Variants in ZNF502 observed in about 807,000 individuals in gnomAD.
ZNF502 encodes the protein zinc finger protein 502.
In ZNF502, 29 loss-of-function variants were observed where a neutral mutation model predicts 43.6. The observed-to-expected ratio is 0.67, with a 90% CI of 0.50 to 0.91. The LOEUF is 0.91. ZNF502 is among the 40% of genes least tolerant of loss of function. The probability of loss-of-function intolerance (pLI) is 0.00; values close to 1 mark genes in which losing one functional copy is unlikely to be tolerated. For missense variants in ZNF502, 591 were observed against 647.2 expected (o/e 0.91, Z 0.94); for synonymous variants, 171 against 207.4 (o/e 0.82, Z 1.51).
At chr3:44,717,803 C>G (rs1171529109) in intron 1 of ZNF502, among the ~76,000 whole-genome samples, 18 of 152,086 alleles carry the variant, frequency 1.2e-4, no homozygotes, top group Non-Finnish European at 2.5e-4. Flanking sequence ...GTACACACCA[C>G]TACACCCAAC....
intron 1 of ZNF502, among the ~76,000 whole-genome samples, chr3:44,716,242 C>T (rs1022557944): frequency 3.4e-5 from 5 of 149,222 alleles, no homozygotes; most frequent in African/African-American, 1.2e-4. Flanking sequence ...AGCTGGAGTG[C>T]AGTGGCGTGA....
In ZNF502 at chr3:44,722,221, T is replaced by C. The variant is rs773553001; in HGVS notation, c.1404T>C (p.Cys468=). The change falls in exon 3 of 3, where the codon TGT becomes TGC. Residue 468 remains cysteine, a synonymous_variant. Transcript: ENST00000436624. ...TGEKPYKCKE[C]GKAFAHSSSL... ...AGAAGCCCTATAAATGTAAAGAATG[T>C]GGGAAAGCCTTTGCTCATAGCTCAT... is the stretch of plus-strand genomic sequence containing the variant. 2 of 1,614,176 alleles carry C rather than the reference T, an allele frequency of 1.2e-6. No homozygotes were observed. Among genetic ancestry groups the C allele is most frequent in the South Asian group, 2.2e-5 (2 of 91,084 alleles).
At chr3:44,713,869 C>T (rs1426294541) in intron 1 of ZNF502, among the ~76,000 whole-genome samples, 14 of 152,146 alleles carry the variant, frequency 9.2e-5, no homozygotes, top group Admixed American at 8.5e-4. Flanking sequence ...CGTGAAACAC[C>T]GCGCCAGGCC....
rs376947931 is a variant in ZNF502 at position 44,718,806 on chromosome 3, A to G, written c.-59-1397A>G. On this transcript the variant is annotated intron_variant, in intron 1 of 2. Transcript: ENST00000436624. Reference sequence around the variant, plus strand: ...GCTATGACACAAGTTGGAGCCAGATAGGGTGTCTGGCTTCTTTTTCCAGCG... The same window carrying G: ...GCTATGACACAAGTTGGAGCCAGATGGGGTGTCTGGCTTCTTTTTCCAGCG... Among the ~76,000 whole-genome samples the G allele has an allele frequency of 6.3e-4, 96 of 152,286 alleles. 3 individuals are homozygous for G. In the South Asian group the frequency reaches 0.02, roughly 31 times the overall value.
chr3:44,712,955 C>T (rs1308666594), intron 1 of ZNF502, among the ~76,000 whole-genome samples: 2 of 152,222 alleles, frequency 1.3e-5, no homozygotes, highest in East Asian at 3.8e-4. Context: ...CAGCACAGTG[C>T]CCGGCACAGA....
intron 1 of ZNF502, among the ~76,000 whole-genome samples, chr3:44,715,096 G>C (rs1251622499): frequency 6.6e-6 from 1 of 152,160 alleles, no homozygotes; most frequent in Non-Finnish European, 1.5e-5. Flanking sequence ...AAACTAAAGT[G>C]ACCCATTAAC....
intron 2 of ZNF502, 146 bp downstream of exon 2, chr3:44,720,462 C>T (rs1704284061): frequency 1.4e-6 from 1 of 735,036 alleles, no homozygotes; most frequent in South Asian, 1.9e-5. Flanking sequence ...GTGAACATGT[C>T]TGGGGCCAAC....
At chr3:44,720,363 G>A (rs557985667) in intron 2 of ZNF502, 47 bp downstream of exon 2, 1 of 1,594,414 alleles carries the variant, frequency 6.3e-7, no homozygotes, top group East Asian at 2.2e-5. Context: ...CAGCCAATAG[G>A]AAGCCTTTGG....
rs1241194918 is a variant in ZNF502 at position 44,720,906 on chromosome 3, A to C, written c.89A>C (p.Gln30Pro). 28 of 1,613,688 alleles carry C rather than the reference A, an allele frequency of 1.7e-5. No homozygotes were observed. Among genetic ancestry groups the C allele is most frequent in the Non-Finnish European group, 2.4e-5 (28 of 1,179,808 alleles). The change falls in exon 3 of 3, where the codon CAG becomes CCG. Residue 30 changes from glutamine (Q) to proline (P), a missense_variant. Physicochemically the swap from Gln to Pro is moderately conservative, Grantham distance 76. Coordinates refer to ENST00000436624, the MANE Select transcript of ZNF502 (RefSeq NM_001134442.3). ...WVNKNKPALEQDVCKIDSSGI... is the reference protein window; with the variant it reads ...WVNKNKPALEPDVCKIDSSGI... Reference sequence around the variant, plus strand: ...AACAAGAACAAGCCTGCTCTGGAGCAGGATGTCTGTAAAATTGACTCATCA... The same window carrying C: ...AACAAGAACAAGCCTGCTCTGGAGCCGGATGTCTGTAAAATTGACTCATCA...
In ZNF502 at chr3:44,720,939, T is replaced by C. The variant is rs753477323; in HGVS notation, c.122T>C (p.Val41Ala). Residue 41 changes from valine to alanine, a missense_variant, in exon 3 of 3, where the codon GTA (valine) becomes GCA (alanine). Coordinates refer to ENST00000436624, the MANE Select transcript of ZNF502 (RefSeq NM_001134442.3). Reference protein sequence around the residue: ...DVCKIDSSGIVVKRFQEDEYQ... With the variant: ...DVCKIDSSGIAVKRFQEDEYQ... ...TGTAAAATTGACTCATCAGGGATAG[T>C]AGTAAAGAGGTTCCAAGAGGATGAA... 17 of 1,614,098 alleles carry C rather than the reference T, an allele frequency of 1.1e-5. No individual in the cohort carries two copies. The highest frequency in any genetic ancestry group is 1.7e-5 in the Admixed American group (1 of 60,018).
chr3:44,713,262 C>T (rs891403386), intron 1 of ZNF502, among the ~76,000 whole-genome samples: 2 of 152,190 alleles, frequency 1.3e-5, no homozygotes, highest in African/African-American at 4.8e-5. Context: ...CTTCACAAAG[C>T]TCAGTTGACA....
In ZNF502 at chr3:44,721,846, A is replaced by T. The variant is rs779705985; in HGVS notation, c.1029A>T (p.Arg343Ser). Residue 343 changes from arginine to serine, a missense_variant, in exon 3 of 3, where the codon AGA becomes AGT. Transcript: ENST00000436624. ...QTKANLSQHQ[R>S]IHSGEKPYKC... is the part of the protein sequence containing the mutation. Reference sequence around the variant, plus strand: ...AGGCAAACCTCTCTCAGCATCAGAGAATTCATAGTGGAGAGAAACCCTATA... The same window carrying T: ...AGGCAAACCTCTCTCAGCATCAGAGTATTCATAGTGGAGAGAAACCCTATA... The T allele has an allele frequency of 6.2e-7, 1 of 1,614,176 alleles. No homozygotes were observed. The highest frequency in any genetic ancestry group is 8.5e-7 in the Non-Finnish European group (1 of 1,180,016).
rs1461363881 is a variant in ZNF502 at position 44,721,851 on chromosome 3, A to C, written c.1034A>C (p.His345Pro). ...KANLSQHQRI[H>P]SGEKPYKCKE... ...AACCTCTCTCAGCATCAGAGAATTC[A>C]TAGTGGAGAGAAACCCTATAAATGT... The change falls in exon 3 of 3, where the codon CAT (histidine) becomes CCT (proline). Residue 345 changes from histidine (H) to proline (P), a missense_variant. Coordinates refer to ENST00000436624, the MANE Select transcript of ZNF502 (RefSeq NM_001134442.3). 1 of 1,614,086 alleles carries C rather than the reference A, an allele frequency of 6.2e-7. No homozygotes were observed. Among genetic ancestry groups the C allele is most frequent in the African/African-American group, 1.3e-5 (1 of 74,960 alleles).
At chr3:44,720,766 TTCA>T in intron 2 of ZNF502, 104 bp from the exon 3 acceptor site, 2 of 1,301,586 alleles carry the variant, frequency 1.5e-6, no homozygotes, top group Non-Finnish European at 2.1e-6. Flanking sequence ...TTACTGGCCC[TTCA>T]TCATAGGCCA....
At chr3:44,716,742 T>TA (rs1362678463) in intron 1 of ZNF502, among the ~76,000 whole-genome samples, 5 of 152,238 alleles carry the variant, frequency 3.3e-5, no homozygotes, top group African/African-American at 1.2e-4. Flanking sequence ...AGTGTAGCAT[T>TA]AAAGATAGAT....
Position 44,720,325 on chromosome 3 carries a change from G to C in ZNF502, c.55+9G>C, listed in dbSNP as rs752461113. On this transcript the variant is annotated intron_variant, in intron 2 of 2. Transcript: ENST00000436624. ...AAGAGAGACTTGTCCAGGTGAGTGA[G>C]CAAGGGACAAGCAGTGGGAGAAATA... The C allele has an allele frequency of 1.9e-6, 3 of 1,613,670 alleles. No homozygotes were observed. In the South Asian group the frequency reaches 3.3e-5, roughly 18 times the overall value.
At chr3:44,718,039 T>C (rs752800624) in intron 1 of ZNF502, among the ~76,000 whole-genome samples, 1 of 152,232 alleles carries the variant, frequency 6.6e-6, no homozygotes, top group Non-Finnish European at 1.5e-5. Context: ...ACTCCTGTGA[T>C]TTCAAGTACT....
chr3:44,719,155 T>C (rs1704233874), intron 1 of ZNF502, among the ~76,000 whole-genome samples: 1 of 152,204 alleles, frequency 6.6e-6, no homozygotes, highest in African/African-American at 2.4e-5. Flanking sequence ...TGTATTCTTA[T>C]AGAGACAGGG....
Position 44,721,648 on chromosome 3 carries a change from T to C in ZNF502, c.831T>C (p.Asn277=). The change falls in exon 3 of 3, where the codon AAT becomes AAC. Residue 277 remains asparagine, a synonymous_variant. Transcript: ENST00000436624. ...GCAATAGGTGTGGGAAGGCATTCAA[T>C]CAGAATACACACCTTATTCATCATC... is the stretch of plus-strand genomic sequence containing the variant. ...YKCNRCGKAF[N]QNTHLIHHQR... 1 of 1,614,054 alleles carries C rather than the reference T, an allele frequency of 6.2e-7. No homozygotes were observed. The highest frequency in any genetic ancestry group is 2.2e-5 in the East Asian group (1 of 44,862).
Sources: gnomAD v4.1 joint callset for allele counts (sites outside exome capture counted in the v4.1 genomes callset) on GRCh38, gnomAD v4.1.1 for gene constraint, MANE v1.5 for transcripts, NCBI Gene and HGNC (gene_info 2026-07-23, HGNC 2026-07-21) for gene names.